IMMP2L: variants seen among roughly 807,000 people sequenced by gnomAD.
The protein encoded by IMMP2L is mitochondrial inner membrane protease subunit 2.
Under a neutral mutation model 19.3 loss-of-function variants are expected in IMMP2L, and 18 were observed. The ratio of observed to expected loss-of-function variants is 0.93; its 90% confidence interval spans 0.64 to 1.38. IMMP2L has a LOEUF of 1.38. Among genes scored for constraint, IMMP2L ranks in the 40% most tolerant of loss-of-function variants. IMMP2L has a pLI of 0.00. For synonymous variants in IMMP2L, 76 were observed against 73.0 expected (o/e 1.04, Z -0.21); for missense variants, 233 against 218.2 (o/e 1.07, Z -0.43).
intron 5 of IMMP2L, among the ~76,000 whole-genome samples, chr7:110,688,653 T>C (rs1446063147): frequency 1.3e-5 from 2 of 152,076 alleles, no homozygotes; most frequent in African/African-American, 4.8e-5. Flanking sequence ...TTAGTTTACA[T>C]AAATTATGAT....
chr7:111,440,799 C>G (rs1837635594), intron 3 of IMMP2L, among the ~76,000 whole-genome samples: 1 of 151,890 alleles, frequency 6.6e-6, no homozygotes, highest in African/African-American at 2.4e-5. Flanking sequence ...CTATATAAAG[C>G]TGTTTCGTCT....
chr7:111,436,782 T>C (rs1359720786), intron 3 of IMMP2L, among the ~76,000 whole-genome samples: 1 of 151,854 alleles, frequency 6.6e-6, no homozygotes, highest in Non-Finnish European at 1.5e-5. Context: ...TATTTTGGCT[T>C]ACAGTTCTAC....
At chr7:110,915,478 G>A (rs186031091) in intron 4 of IMMP2L, among the ~76,000 whole-genome samples, 205 of 152,270 alleles carry the variant, frequency 1.3e-3, no homozygotes, top group Middle Eastern at 6.8e-3. Context: ...GAAATGGGGA[G>A]ATGTTGGTCA....
intron 5 of IMMP2L, among the ~76,000 whole-genome samples, chr7:110,686,772 C>A (rs972018288): frequency 6.6e-6 from 1 of 152,014 alleles, no homozygotes; most frequent in Non-Finnish European, 1.5e-5. Context: ...CTTCCCTGAA[C>A]GAACACAGTA....
intron 3 of IMMP2L, among the ~76,000 whole-genome samples, chr7:111,141,597 C>T (rs1446642174): frequency 6.6e-6 from 1 of 152,046 alleles, no homozygotes; most frequent in African/African-American, 2.4e-5. Flanking sequence ...ACTATAGTAT[C>T]CTTCCCATCC....
intron 5 of IMMP2L, among the ~76,000 whole-genome samples, chr7:110,716,598 C>A (rs543556110): frequency 6.6e-6 from 1 of 152,244 alleles, no homozygotes; most frequent in East Asian, 1.9e-4. Flanking sequence ...TTTGGAATTT[C>A]TTTTCTTTAA....
chr7:111,084,854 AACTT>A (rs1796178953), intron 3 of IMMP2L, among the ~76,000 whole-genome samples: 1 of 152,206 alleles, frequency 6.6e-6, no homozygotes, highest in Admixed American at 6.6e-5. Context: ...TCTTCTGAGA[AACTT>A]AATGTGAGGA....
intron 3 of IMMP2L, among the ~76,000 whole-genome samples, chr7:111,180,971 T>C (rs1807641337): frequency 6.6e-6 from 1 of 152,048 alleles, no homozygotes; most frequent in Non-Finnish European, 1.5e-5. Flanking sequence ...AGGAAAATGA[T>C]ATTAATTTTT....
intron 3 of IMMP2L, among the ~76,000 whole-genome samples, chr7:111,285,180 A>G (rs146858417): frequency 6.6e-6 from 1 of 152,198 alleles, no homozygotes; most frequent in Non-Finnish European, 1.5e-5. Context: ...GAGGAAATGA[A>G]GGAACACAAG....
intron 3 of IMMP2L, among the ~76,000 whole-genome samples, chr7:111,376,275 T>C (rs1830670054): frequency 6.6e-6 from 1 of 152,072 alleles, no homozygotes; most frequent in African/African-American, 2.4e-5. Context: ...TAACTTAAAA[T>C]ACATATGTGG....
intron 5 of IMMP2L, among the ~76,000 whole-genome samples, chr7:110,844,310 C>CA (rs1426865370): frequency 6.6e-6 from 1 of 151,702 alleles, no homozygotes; most frequent in Non-Finnish European, 1.5e-5. Flanking sequence ...GAGGCATGTA[C>CA]AAAATGCTAA....
chr7:111,001,355 T>C (rs943722908), intron 3 of IMMP2L, among the ~76,000 whole-genome samples: 12 of 152,224 alleles, frequency 7.9e-5, no homozygotes, highest in African/African-American at 2.9e-4. Flanking sequence ...TCAACTTACA[T>C]GTTTTAATAT....
intron 5 of IMMP2L, among the ~76,000 whole-genome samples, chr7:110,735,277 T>C (rs1320124539): frequency 6.6e-6 from 1 of 152,184 alleles, no homozygotes; most frequent in East Asian, 1.9e-4. Context: ...TATCAGTTTC[T>C]TATAAAAACC....
At chr7:110,974,494 T>C (rs537365663) in intron 3 of IMMP2L, among the ~76,000 whole-genome samples, 55 of 152,270 alleles carry the variant, frequency 3.6e-4, no homozygotes, top group African/African-American at 1.1e-3. Flanking sequence ...GAAAAAGATA[T>C]GAAATCAAGT....
chr7:111,264,734 T>C (rs903217510), intron 3 of IMMP2L, among the ~76,000 whole-genome samples: 1 of 150,864 alleles, frequency 6.6e-6, no homozygotes, highest in African/African-American at 2.4e-5. Context: ...ATACTAGATA[T>C]GGAAACAGCC....
At chr7:111,203,768 G>A (rs920724033) in intron 3 of IMMP2L, among the ~76,000 whole-genome samples, 3 of 151,660 alleles carry the variant, frequency 2.0e-5, no homozygotes, top group Admixed American at 2.0e-4. Context: ...GATCCTCGGG[G>A]TATTTATGCA....
intron 3 of IMMP2L, among the ~76,000 whole-genome samples, chr7:111,378,303 A>C (rs1446105871): frequency 6.6e-6 from 1 of 152,022 alleles, no homozygotes; most frequent in Non-Finnish European, 1.5e-5. Context: ...ATTGGCACTC[A>C]AAGGACCACC....
intron 2 of IMMP2L, among the ~76,000 whole-genome samples, chr7:111,505,501 G>C (rs1232150769): frequency 6.6e-6 from 1 of 152,124 alleles, no homozygotes; most frequent in Non-Finnish European, 1.5e-5. Context: ...TGTAAATCAT[G>C]CTGCTGTAAA....
chr7:111,339,998 A>G (rs1428873192), intron 3 of IMMP2L, among the ~76,000 whole-genome samples: 2 of 152,010 alleles, frequency 1.3e-5, no homozygotes, highest in Non-Finnish European at 2.9e-5. Flanking sequence ...TTCTTTGTAG[A>G]TCACTGATAC....
Sources: allele counts gnomAD v4.1 joint callset (sites outside exome capture counted in the v4.1 genomes callset), GRCh38; gene constraint gnomAD v4.1.1; transcripts MANE v1.5; gene names NCBI Gene and HGNC (gene_info 2026-07-23, HGNC 2026-07-21).